Variants in PPP6C observed in about 807,000 individuals in gnomAD.
The protein encoded by PPP6C is protein phosphatase 6 catalytic subunit.
In PPP6C, 11 loss-of-function variants were observed where a neutral mutation model predicts 39.8. The observed-to-expected ratio is 0.28, with a 90% CI of 0.17 to 0.46. PPP6C has a LOEUF of 0.46. Ranked by LOEUF, PPP6C falls within the 20% of genes least tolerant of loss-of-function variation. The probability of loss-of-function intolerance (pLI) is 1.00; values close to 1 mark genes in which losing one functional copy is unlikely to be tolerated. For missense variants in PPP6C, 211 were observed against 373.9 expected, an observed-to-expected ratio of 0.56 and a Z score of 3.59; for synonymous variants, 129 against 130.3, an observed-to-expected ratio of 0.99 and a Z score of 0.07.
intron 1 of PPP6C, among the ~76,000 whole-genome samples, chr9:125,186,612 T>A (rs929810587): frequency 6.6e-6 from 1 of 151,670 alleles, no homozygotes; most frequent in South Asian, 2.1e-4. Flanking sequence ...TAGCTGGTCA[T>A]GGGGGCATGT....
intron 2 of PPP6C, among the ~76,000 whole-genome samples, chr9:125,167,394 A>T (rs1829042922): frequency 1.4e-5 from 2 of 146,706 alleles, no homozygotes; most frequent in South Asian, 4.3e-4. Flanking sequence ...AAAAAAAAAA[A>T]AAAAAGAAAT....
At chr9:125,170,934 G>A (rs964148640) in intron 2 of PPP6C, 151 bp downstream of exon 2, 1 of 473,170 alleles carries the variant, frequency 2.1e-6, no homozygotes, top group Non-Finnish European at 3.8e-6. Context: ...ATGTAAACCA[G>A]GAATCATTTG....
At chr9:125,178,981 G>A (rs541568834) in intron 1 of PPP6C, among the ~76,000 whole-genome samples, 27 of 152,216 alleles carry the variant, frequency 1.8e-4, no homozygotes, top group African/African-American at 5.8e-4. Context: ...TTGGGAGGCC[G>A]AGGAGGTCAG....
intron 2 of PPP6C, among the ~76,000 whole-genome samples, chr9:125,166,191 T>G (rs1281074267): frequency 6.6e-6 from 1 of 152,190 alleles, no homozygotes; most frequent in Non-Finnish European, 1.5e-5. Flanking sequence ...TGACATTGCA[T>G]TTTATATCAT....
chr9:125,189,743 C>A lies in PPP6C; in HGVS notation c.-25G>T, dbSNP rs1357167025. ...TTTTAAGAATAACAAGCCGCGGCAA[C>A]AGCGGCGGCGGCGGCTGTAGCAGCG... On this transcript the variant is annotated 5_prime_UTR_variant, in exon 1 of 7. Coordinates refer to ENST00000373547, the MANE Select transcript of PPP6C (RefSeq NM_002721.5). 3 of 1,562,400 alleles carry A rather than the reference C, an allele frequency of 1.9e-6. No homozygotes were observed. The highest frequency in any genetic ancestry group is 2.3e-5 in the South Asian group (2 of 86,006).
At chr9:125,168,678 C>A (rs1028603385) in intron 2 of PPP6C, among the ~76,000 whole-genome samples, 1 of 150,578 alleles carries the variant, frequency 6.6e-6, no homozygotes. Flanking sequence ...AGGATGGTCT[C>A]GATCTCTTGC....
intron 6 of PPP6C, among the ~76,000 whole-genome samples, chr9:125,152,985 G>A (rs1273124775): frequency 6.6e-6 from 1 of 151,750 alleles, no homozygotes; most frequent in African/African-American, 2.4e-5. Flanking sequence ...TGAAAGGAAA[G>A]GGGCTGGCCG....
Position 125,160,879 on chromosome 9 carries a change from T to C in PPP6C, c.199A>G (p.Thr67Ala), listed in dbSNP as rs778012321. 1.3e-6 allele frequency: 2 copies of C among 1,592,136 alleles called. No individual in the cohort carries two copies. Among genetic ancestry groups the C allele is most frequent in the Non-Finnish European group, 1.7e-6 (2 of 1,171,574 alleles). Residue 67 changes from threonine (T) to alanine (A), a missense_variant, in exon 3 of 7, where the codon ACT (threonine) becomes GCT (alanine). Thr to Ala is a moderately conservative substitution (Grantham distance 58). Around this residue, in one of 2 missense-constraint regions of PPP6C, gnomAD observed 168 missense variants for 342.6 expected, o/e 0.49. Transcript: ENST00000373547. ...QFYDLCELFR[T>A]GGQVPDTNYI... ...TTTGTGTCAGGAACCTGACCTCCAG[T>C]TCTGAACAGTTCACAAAGGTCATAA... is the stretch of plus-strand genomic sequence containing the variant.
intron 1 of PPP6C, 114 bp downstream of exon 1, chr9:125,189,530 G>C (rs188607166): frequency 6.5e-7 from 1 of 1,529,992 alleles, no homozygotes; most frequent in South Asian, 1.2e-5. Context: ...CTGGCAATGG[G>C]GGAGGCCCTC....
At chr9:125,188,957 G>C in intron 1 of PPP6C, 1 of 1,546,836 alleles carries the variant, frequency 6.5e-7, no homozygotes, top group Non-Finnish European at 8.7e-7. Context: ...ACTGAGTTAA[G>C]AAGGGGTTAA....
Position 125,157,394 on chromosome 9 carries a change from C to T in PPP6C, c.379+847G>A, listed in dbSNP as rs554232902. Among the ~76,000 whole-genome samples, 11 of 152,254 alleles carry T rather than the reference C, an allele frequency of 7.2e-5. No homozygotes were observed. In the East Asian group the frequency reaches 2.1e-3, roughly 29 times the overall value. ...ATGTATAACAGCAGCTTAAAAACAA[C>T]TCTAAAGTCCAACGATAGAGGAAAA... On this transcript the variant is annotated intron_variant, in intron 4 of 6. Transcript: ENST00000373547.
At chr9:125,152,551 C>T (rs969069929) in intron 6 of PPP6C, among the ~76,000 whole-genome samples, 1 of 152,180 alleles carries the variant, frequency 6.6e-6, no homozygotes, top group Non-Finnish European at 1.5e-5. Context: ...TTGACGTAGG[C>T]TGGGCGCGGT....
intron 6 of PPP6C, among the ~76,000 whole-genome samples, chr9:125,150,151 G>A (rs1278321698): frequency 6.6e-6 from 1 of 152,020 alleles, no homozygotes; most frequent in East Asian, 1.9e-4. Flanking sequence ...AGAAATTTCT[G>A]GAAGAAAAAG....
intron 1 of PPP6C, among the ~76,000 whole-genome samples, chr9:125,177,300 G>T (rs1829321851): frequency 6.6e-6 from 1 of 152,134 alleles, no homozygotes. Context: ...CGTGAACCCG[G>T]GAGGCCGAAC....
intron 2 of PPP6C, among the ~76,000 whole-genome samples, chr9:125,167,842 G>T (rs1829058808): frequency 1.6e-5 from 2 of 127,548 alleles, no homozygotes; most frequent in Non-Finnish European, 3.3e-5. Flanking sequence ...GGGGGGGGGG[G>T]GGGGGTATCA....
At chr9:125,162,622 A>G (rs1294750122) in intron 2 of PPP6C, among the ~76,000 whole-genome samples, 1 of 151,398 alleles carries the variant, frequency 6.6e-6, no homozygotes, top group Non-Finnish European at 1.5e-5. Context: ...AAATACAAAA[A>G]TTAGCTGGGC....
chr9:125,178,548 C>A (rs1829355014), intron 1 of PPP6C, among the ~76,000 whole-genome samples: 1 of 152,090 alleles, frequency 6.6e-6, no homozygotes, highest in Admixed American at 6.6e-5. Flanking sequence ...GGCAAGTAGG[C>A]TACAGTGAGG....
At chr9:125,189,257 T>C (rs1256471481) in intron 1 of PPP6C, among the ~76,000 whole-genome samples, 1 of 152,162 alleles carries the variant, frequency 6.6e-6, no homozygotes, top group African/African-American at 2.4e-5. Context: ...TCCTGTCACC[T>C]CCGGTGGAGG....
Position 125,146,931 on chromosome 9 carries a change from A to G in PPP6C, c.*2742T>C, listed in dbSNP as rs1835825954. ...TTCCAAAACCTGGTTCTGGGCTTAC[A>G]AAGCACACACACACAAATCTTAATG... On this transcript the variant is annotated 3_prime_UTR_variant, in exon 7 of 7. Coordinates refer to ENST00000373547, the MANE Select transcript of PPP6C (RefSeq NM_002721.5). 6.6e-6 allele frequency: 1 copy of G among 152,190 alleles called. No individual in the cohort carries two copies. The highest frequency in any genetic ancestry group is 1.5e-5 in the Non-Finnish European group (1 of 68,020). The allele number at this position is 152,190 out of a possible 1,614,324, so 9.4% of individuals were successfully genotyped here.
Sources: gnomAD v4.1 joint callset for allele counts (sites outside exome capture counted in the v4.1 genomes callset) on GRCh38, gnomAD v4.1.1 for gene constraint, gnomAD v4.1.1 regional missense constraint, MANE v1.5 for transcripts, NCBI Gene and HGNC (gene_info 2026-07-23, HGNC 2026-07-21) for gene names.